Variants in COX16 observed in about 807,000 individuals in gnomAD.
The protein encoded by COX16 is cytochrome c oxidase assembly factor COX16.
A neutral mutation model predicts 15.4 loss-of-function variants in COX16; 12 were observed. The observed-to-expected ratio is 0.78, with a 90% CI of 0.50 to 1.26. The LOEUF (loss-of-function observed/expected upper bound fraction) is 1.26, where lower values mean the gene tolerates loss of function less well. Ranked by LOEUF, COX16 falls within the 50% of genes most tolerant of loss-of-function variation. The probability of loss-of-function intolerance (pLI) is 0.00; values close to 1 mark genes in which losing one functional copy is unlikely to be tolerated. For synonymous variants in COX16, 46 were observed against 41.1 expected, an observed-to-expected ratio of 1.12 and a Z score of -0.46; for missense variants, 124 against 127.6, an observed-to-expected ratio of 0.97 and a Z score of 0.14.
intron 1 of COX16, among the ~76,000 whole-genome samples, chr14:70,348,404 G>A (rs145733413): frequency 6.4e-4 from 97 of 152,088 alleles, no homozygotes; most frequent in African/African-American, 2.2e-3. Flanking sequence ...AGCTACAACC[G>A]CCCAATACCC....
chr14:70,358,344 C>T (rs949823144), intron 1 of COX16, among the ~76,000 whole-genome samples: 1 of 147,080 alleles, frequency 6.8e-6, no homozygotes, highest in Non-Finnish European at 1.5e-5. Flanking sequence ...TATTAGTATA[C>T]TAATATCGAA....
chr14:70,348,728 T>TCAGA (rs1356122466), intron 1 of COX16, among the ~76,000 whole-genome samples: 1 of 152,164 alleles, frequency 6.6e-6, no homozygotes, highest in Non-Finnish European at 1.5e-5. Context: ...ACACTCACAC[T>TCAGA]CGTCTATGTG....
intron 1 of COX16, among the ~76,000 whole-genome samples, chr14:70,350,721 C>G (rs1886929823): frequency 6.6e-6 from 1 of 152,196 alleles, no homozygotes; most frequent in African/African-American, 2.4e-5. Flanking sequence ...GTTCTCCTAT[C>G]ATTTTCCCCT....
intron 2 of COX16, among the ~76,000 whole-genome samples, chr14:70,334,607 C>G (rs886544347): frequency 5.9e-5 from 9 of 152,068 alleles, no homozygotes; most frequent in African/African-American, 1.9e-4. Context: ...TTTCCTTTTT[C>G]TGTAATCAAA....
intron 1 of COX16, among the ~76,000 whole-genome samples, chr14:70,350,721 C>A (rs1886929823): frequency 6.6e-6 from 1 of 152,196 alleles, no homozygotes; most frequent in Admixed American, 6.5e-5. Flanking sequence ...GTTCTCCTAT[C>A]ATTTTCCCCT....
rs557372756 is a variant in COX16 at position 70,335,461 on chromosome 14, A to G, written c.142-6225T>C. ...CCATATGTTAGGCCACAAAGTCTCAACAAATTCAAAAAAGTATCAATCATA... is the reference window on the plus strand; with the variant it reads ...CCATATGTTAGGCCACAAAGTCTCAGCAAATTCAAAAAAGTATCAATCATA... On this transcript the variant is annotated intron_variant, in intron 2 of 3. Coordinates refer to ENST00000389912, the MANE Select transcript of COX16 (RefSeq NM_016468.7). 3.3e-5 allele frequency among the ~76,000 whole-genome samples: 5 copies of G among 152,330 alleles called. No homozygotes were observed. In the East Asian group the frequency reaches 9.6e-4, roughly 29 times the overall value.
chr14:70,331,734 T>TTG, intron 2 of COX16, among the ~76,000 whole-genome samples: 1 of 47,604 alleles, frequency 2.1e-5, no homozygotes, highest in Non-Finnish European at 4.8e-5. Flanking sequence ...CAAATAAAAT[T>TTG]GAAGTATGAT....
At chr14:70,326,911 A>G (rs905371546) in intron 3 of COX16, among the ~76,000 whole-genome samples, 1 of 152,212 alleles carries the variant, frequency 6.6e-6, no homozygotes, top group African/African-American at 2.4e-5. Flanking sequence ...GGGCTTAGGA[A>G]TGAAAAGACT....
intron 1 of COX16, among the ~76,000 whole-genome samples, chr14:70,351,046 C>T (rs895482684): frequency 1.3e-5 from 2 of 152,172 alleles, no homozygotes; most frequent in African/African-American, 2.4e-5. Context: ...TTTTCAAAAG[C>T]TTAGCCCTTC....
chr14:70,331,299 C>T (rs1473431185), intron 2 of COX16, among the ~76,000 whole-genome samples: 1 of 152,084 alleles, frequency 6.6e-6, no homozygotes, highest in Non-Finnish European at 1.5e-5. Flanking sequence ...AGCCACGGCA[C>T]CCAACCAAGT....
At chr14:70,346,151 C>T (rs773334529) in intron 1 of COX16, among the ~76,000 whole-genome samples, 20 of 152,194 alleles carry the variant, frequency 1.3e-4, no homozygotes, top group Non-Finnish European at 2.2e-4. Context: ...TTATCTTAAA[C>T]CTTCGGTTCA....
rs928302797 is a variant in COX16, at chr14:70,359,123, T to C, written c.69+396A>G. 1.1e-4 allele frequency: 52 copies of C among 455,238 alleles called. 1 individual carries two copies. Among genetic ancestry groups the C allele is most frequent in the Middle Eastern group, 6.5e-4 (2 of 3,066 alleles). The allele number at this position is 455,238 out of a possible 1,614,324, so 28.2% of individuals were successfully genotyped here. A position where few individuals can be genotyped will look rare whatever the true frequency, so the allele number is the denominator to read the frequency against. On this transcript the variant is annotated intron_variant, in intron 1 of 3. Transcript: ENST00000389912. The stretch of plus-strand genomic sequence containing the variant: ...AATGATCCACAGTATCGTCAAAACA[T>C]AGCTAAGTTGGGGGCGAGGAAGCAA...
chr14:70,333,062 G>A (rs1392009586), intron 2 of COX16, among the ~76,000 whole-genome samples: 12 of 152,178 alleles, frequency 7.9e-5, no homozygotes, highest in Admixed American at 7.9e-4. Context: ...GAAGACAACA[G>A]TCAGTGTGCT....
At chr14:70,330,360 A>G (rs1254074188) in intron 2 of COX16, among the ~76,000 whole-genome samples, 2 of 152,332 alleles carry the variant, frequency 1.3e-5, no homozygotes, top group Admixed American at 1.3e-4. Context: ...TTTACAATCT[A>G]TAAAGAATTA....
At chr14:70,349,581 G>T (rs1886883858) in intron 1 of COX16, among the ~76,000 whole-genome samples, 1 of 152,108 alleles carries the variant, frequency 6.6e-6, no homozygotes, top group African/African-American at 2.4e-5. Flanking sequence ...AGGCAAAGTT[G>T]AAAAAATGAA....
At chr14:70,346,966 A>C (rs370076997) in intron 1 of COX16, among the ~76,000 whole-genome samples, 1 of 151,150 alleles carries the variant, frequency 6.6e-6, no homozygotes, top group Non-Finnish European at 1.5e-5. Context: ...ACTTTCTTCT[A>C]CTCCTCCAAC....
intron 2 of COX16, among the ~76,000 whole-genome samples, chr14:70,330,108 T>C (rs1418050353): frequency 6.6e-6 from 1 of 151,736 alleles, no homozygotes; most frequent in Admixed American, 6.6e-5. Flanking sequence ...TCATAAGAAA[T>C]AAGCACAACA....
intron 1 of COX16, among the ~76,000 whole-genome samples, chr14:70,346,413 A>G (rs780477016): frequency 2.0e-5 from 3 of 152,212 alleles, no homozygotes; most frequent in African/African-American, 4.8e-5. Flanking sequence ...AAGTGCGGCA[A>G]TGAAGGCCAC....
At chr14:70,338,659 G>A (rs1450695712) in intron 2 of COX16, among the ~76,000 whole-genome samples, 1 of 152,120 alleles carries the variant, frequency 6.6e-6, no homozygotes, top group Admixed American at 6.5e-5. Context: ...GTTTCATAGA[G>A]CAATCAAGAG....
Sources: allele counts gnomAD v4.1 joint callset (sites outside exome capture counted in the v4.1 genomes callset), GRCh38; gene constraint gnomAD v4.1.1; transcripts MANE v1.5; gene names NCBI Gene and HGNC (gene_info 2026-07-23, HGNC 2026-07-21).